Variants in JMJD1C observed in about 807,000 individuals in gnomAD.
The protein encoded by JMJD1C is jumonji domain containing 1C.
In JMJD1C, 31 loss-of-function variants were observed where a neutral mutation model predicts 245.3. That is an observed-to-expected ratio of 0.13 (90% CI 0.09 to 0.17). JMJD1C has a LOEUF of 0.17. Among genes scored for constraint, JMJD1C ranks in the 10% least tolerant of loss-of-function variants. The pLI is 1.00. For missense variants in JMJD1C, 2,691 were observed against 3,000.2 expected, an observed-to-expected ratio of 0.90 and a Z score of 2.41; for synonymous variants, 1,057 against 1,017.4, an observed-to-expected ratio of 1.04 and a Z score of -0.74.
chr10:63,405,191 G>A (rs374877321), intron 1 of JMJD1C, among the ~76,000 whole-genome samples: 10 of 151,868 alleles, frequency 6.6e-5, no homozygotes, highest in African/African-American at 2.4e-4. Context: ...CTATAAAGTA[G>A]GTATTAAATA....
intron 1 of JMJD1C, among the ~76,000 whole-genome samples, chr10:63,443,549 G>A (rs901670483): frequency 6.6e-6 from 1 of 152,126 alleles, no homozygotes; most frequent in African/African-American, 2.4e-5. Flanking sequence ...GAGCTCAAAG[G>A]CACCCACCCA....
intron 2 of JMJD1C, among the ~76,000 whole-genome samples, chr10:63,374,888 A>G (rs1946599333): frequency 6.7e-6 from 1 of 148,798 alleles, no homozygotes; most frequent in Non-Finnish European, 1.5e-5. Context: ...AATTTGCCAA[A>G]TTCATTTATT....
chr10:63,234,931 T>C lies in JMJD1C; in HGVS notation c.448-14948A>G, dbSNP rs560845811. Among the ~76,000 whole-genome samples, 13 of 152,228 alleles carry C rather than the reference T, an allele frequency of 8.5e-5. No individual in the cohort carries two copies. In the East Asian group the frequency reaches 2.3e-3, roughly 27 times the overall value. ...ATTTTTTATGAACTAAGTCATAAAA[T>C]TCAAATTTAACTTAGCTAGAGGGCA... is the stretch of plus-strand genomic sequence containing the variant. On this transcript the variant is annotated intron_variant, in intron 3 of 25. Coordinates refer to ENST00000399262, the MANE Select transcript of JMJD1C (RefSeq NM_032776.3).
At chr10:63,292,144 A>ATTGTTTTTTTTTTTTTTTTTTT (rs1858837031) in intron 2 of JMJD1C, among the ~76,000 whole-genome samples, 1 of 56,324 alleles carries the variant, frequency 1.8e-5, no homozygotes, top group Non-Finnish European at 3.2e-5. Context: ...GTAGAGACAG[A>ATTGTTTTTTTTTTTTTTTTTTT]TTTTTTTTTT....
chr10:63,435,145 A>G (rs567297062), intron 1 of JMJD1C, among the ~76,000 whole-genome samples: 1 of 152,326 alleles, frequency 6.6e-6, no homozygotes, highest in South Asian at 2.1e-4. Context: ...TTTATCATTC[A>G]GCTGAGATTA....
At chr10:63,251,396 C>T (rs1231424943) in intron 3 of JMJD1C, among the ~76,000 whole-genome samples, 1 of 152,122 alleles carries the variant, frequency 6.6e-6, no homozygotes, top group Non-Finnish European at 1.5e-5. Context: ...CTGACAGATA[C>T]ATTGGAATAT....
chr10:63,518,099 C>T (rs1264870222), intron 1 of JMJD1C, among the ~76,000 whole-genome samples: 1 of 152,136 alleles, frequency 6.6e-6, no homozygotes, highest in African/African-American at 2.4e-5. Context: ...AGCATAATGG[C>T]CACTTATTTC....
At chr10:63,421,418 A>G in intron 1 of JMJD1C, among the ~76,000 whole-genome samples, 1 of 152,222 alleles carries the variant, frequency 6.6e-6, no homozygotes, top group East Asian at 1.9e-4. Flanking sequence ...AATTATCTCT[A>G]GGTAGAAGAA....
chr10:63,411,913 TTTTTTTTTTTTTTTTAA>T (rs2132668185), intron 1 of JMJD1C, among the ~76,000 whole-genome samples: 1 of 150,522 alleles, frequency 6.6e-6, no homozygotes, highest in African/African-American at 2.4e-5. Flanking sequence ...CAATTTTTTT[TTTTTTTTTTTTTTTTAA>T]ATAGAGACAA....
intron 2 of JMJD1C, among the ~76,000 whole-genome samples, chr10:63,357,967 C>CA (rs1945005660): frequency 6.7e-6 from 1 of 148,846 alleles, no homozygotes; most frequent in Non-Finnish European, 1.5e-5. Context: ...AAAAACCTCT[C>CA]AAATTAGAAC....
At chr10:63,357,907 ACCCAAAACAGACTTCCCCTGCCAGCC>A (rs1564828645) in intron 2 of JMJD1C, among the ~76,000 whole-genome samples, 1 of 148,178 alleles carries the variant, frequency 6.7e-6, no homozygotes, top group African/African-American at 2.5e-5. Flanking sequence ...CACTTTTAGT[ACCCAAAACAGACTTCCCCTGCCAGCC>A]CCCAAGAACT....
chr10:63,409,927 G>C (rs926912123), intron 1 of JMJD1C, among the ~76,000 whole-genome samples: 1 of 152,122 alleles, frequency 6.6e-6, no homozygotes, highest in Non-Finnish European at 1.5e-5. Flanking sequence ...AGGAGTCTGG[G>C]GGTCCTGGGA....
rs1430476418 is a variant in JMJD1C, at chr10:63,465,966, G to C, written c.-304C>G. ...GCAGCCCAGCCGCCGCCACCGCGCC[G>C]CGGCCAGTACTGCTCCGTCTCCCTC... On this transcript the variant is annotated 5_prime_UTR_variant, in exon 1 of 26. Transcript: ENST00000399262. The C allele has an allele frequency of 2.0e-6, 1 of 504,014 alleles. No individual in the cohort carries two copies. Among genetic ancestry groups the C allele is most frequent in the South Asian group, 1.9e-5 (1 of 52,300 alleles). 31.2% of individuals were successfully genotyped at this position (504,014 alleles called of 1,614,324 possible). A position where few individuals can be genotyped will look rare whatever the true frequency, so the allele number is the denominator to read the frequency against.
At chr10:63,484,256 AGAT>A (rs760617424) in intron 1 of JMJD1C, among the ~76,000 whole-genome samples, 9 of 66,854 alleles carry the variant, frequency 1.3e-4, no homozygotes, top group East Asian at 6.5e-4. Flanking sequence ...ATAGATAGAT[AGAT>A]AGATAGATAG....
At position 63,167,962 on chromosome 10, in the gene JMJD1C, T is replaced by G. The variant is rs1841995664; in HGVS notation, c.*83A>C. On this transcript the variant is annotated 3_prime_UTR_variant, in exon 26 of 26. Transcript: ENST00000399262. Reference sequence around the variant, plus strand: ...CTTGGCACTGATGGTTTTATGAAGCTTAAAGTCAGTGTGCATACATATCAT... The same window carrying G: ...CTTGGCACTGATGGTTTTATGAAGCGTAAAGTCAGTGTGCATACATATCAT... 1.2e-6 allele frequency: 1 copy of G among 823,882 alleles called. No homozygotes were observed. Among genetic ancestry groups the G allele is most frequent in the Admixed American group, 1.9e-5 (1 of 52,700 alleles). The allele number at this position is 823,882 out of a possible 1,614,324, so 51.0% of individuals were successfully genotyped here. A position where few individuals can be genotyped will look rare whatever the true frequency, so the allele number is the denominator to read the frequency against.
intron 2 of JMJD1C, among the ~76,000 whole-genome samples, chr10:63,281,365 C>T (rs755236439): frequency 5.9e-5 from 7 of 119,022 alleles, no homozygotes; most frequent in South Asian, 2.6e-4. Flanking sequence ...TTCACCATGT[C>T]GGCCAGACTG....
At chr10:63,487,836 T>A (rs1332662682) in intron 1 of JMJD1C, among the ~76,000 whole-genome samples, 1 of 152,222 alleles carries the variant, frequency 6.6e-6, no homozygotes, top group African/African-American at 2.4e-5. Flanking sequence ...CAACTCTGAG[T>A]GACAGAGAAG....
At chr10:63,205,116 G>T in intron 10 of JMJD1C, 1 of 719,868 alleles carries the variant, frequency 1.4e-6, no homozygotes, top group Non-Finnish European at 1.7e-6. Context: ...TTACTGTTAA[G>T]TATCTCTTAT....
chr10:63,332,796 GT>G (rs1177032461), intron 2 of JMJD1C, among the ~76,000 whole-genome samples: 1 of 152,194 alleles, frequency 6.6e-6, no homozygotes, highest in East Asian at 1.9e-4. Context: ...TAGGTTGAGA[GT>G]TACACATATT....
Sources: allele counts gnomAD v4.1 joint callset (sites outside exome capture counted in the v4.1 genomes callset), GRCh38; gene constraint gnomAD v4.1.1; transcripts MANE v1.5; gene names NCBI Gene and HGNC (gene_info 2026-07-23, HGNC 2026-07-21).